The following MSI2 variants were observed in gnomAD, a reference collection of about 807,000 sequenced individuals.
The protein encoded by MSI2 is musashi RNA binding protein 2, also known as RNA-binding protein Musashi homolog 2.
Under a neutral mutation model 45.6 loss-of-function variants are expected in MSI2, and 17 were observed. The observed-to-expected ratio is 0.37, with a 90% CI of 0.26 to 0.56. The LOEUF (loss-of-function observed/expected upper bound fraction) is 0.56, where lower values mean the gene tolerates loss of function less well. Among genes scored for constraint, MSI2 ranks in the 20% least tolerant of loss-of-function variants. MSI2 has a pLI of 0.77. For synonymous variants in MSI2, 156 were observed against 158.2 expected (o/e 0.99, Z 0.11); for missense variants, 293 against 444.2 (o/e 0.66, Z 3.06).
intron 6 of MSI2, among the ~76,000 whole-genome samples, chr17:57,473,313 T>C (rs2586231): frequency 0.78 from 118,295 of 152,172 alleles, 46,417 homozygotes; most frequent in East Asian, 0.91. Flanking sequence ...TATATATGCG[T>C]GTGTGAGTAT....
At chr17:57,313,857 A>G (rs1912619679) in intron 5 of MSI2, among the ~76,000 whole-genome samples, 1 of 152,218 alleles carries the variant, frequency 6.6e-6, no homozygotes, top group South Asian at 2.1e-4. Context: ...GGATGACCAA[A>G]GAGGCGGGCC....
chr17:57,463,184 G>C (rs2085264359), intron 6 of MSI2, among the ~76,000 whole-genome samples: 1 of 152,188 alleles, frequency 6.6e-6, no homozygotes, highest in Non-Finnish European at 1.5e-5. Context: ...GCCAAGGGTG[G>C]CTTGTTTTCC....
At chr17:57,287,118 G>T (rs932360908) in intron 5 of MSI2, among the ~76,000 whole-genome samples, 4 of 143,096 alleles carry the variant, frequency 2.8e-5, no homozygotes, top group Admixed American at 1.6e-4. Flanking sequence ...CAAATAAGTG[G>T]TCTCAAAAAG....
At chr17:57,528,417 G>T (rs2144053980) in intron 6 of MSI2, among the ~76,000 whole-genome samples, 1 of 152,254 alleles carries the variant, frequency 6.6e-6, no homozygotes, top group Middle Eastern at 3.4e-3. Context: ...CAGGATGCGT[G>T]GGAGGGGTCT....
At chr17:57,309,850 G>A (rs944359367) in intron 5 of MSI2, among the ~76,000 whole-genome samples, 3 of 152,150 alleles carry the variant, frequency 2.0e-5, no homozygotes, top group African/African-American at 7.2e-5. Flanking sequence ...CTCGAGGCCC[G>A]AGTGGAGTGC....
the MSI2 span, among the ~76,000 whole-genome samples, chr17:57,700,798 A>G: frequency 2.6e-5 from 4 of 152,112 alleles, no homozygotes; most frequent in South Asian, 8.3e-4. Flanking sequence ...GCTACTCAGG[A>G]GGCTGAGGCA....
intron 6 of MSI2, chr17:57,440,766 G>C (rs914714537): frequency 6.6e-6 from 1 of 152,286 alleles, no homozygotes; most frequent in Non-Finnish European, 1.5e-5. Context: ...TGGGGAAGCA[G>C]GTTTTGCCCT....
chr17:57,355,527 G>A (rs533317929), intron 5 of MSI2, among the ~76,000 whole-genome samples: 5 of 152,276 alleles, frequency 3.3e-5, no homozygotes, highest in African/African-American at 4.8e-5. Context: ...TTCTGTTAGG[G>A]ATGCGTGCCA....
chr17:57,587,966 T>C (rs1904465009), intron 7 of MSI2, among the ~76,000 whole-genome samples: 1 of 152,160 alleles, frequency 6.6e-6, no homozygotes, highest in African/African-American at 2.4e-5. Context: ...GCTGCCAAAC[T>C]ACTGGTGTAA....
rs57142800 is a variant in MSI2, at chr17:57,502,602, G to GATATATATATATAT, written c.406-27052_406-27039dup. On this transcript the variant is annotated intron_variant, in intron 6 of 13. Coordinates refer to ENST00000284073, the MANE Select transcript of MSI2 (RefSeq NM_138962.4). Reference sequence around the variant, plus strand: ...CAGGGAATGGAGAAGATGACTCTGAGATATATATATATATATATATATATA... The same window carrying GATATATATATATAT: ...CAGGGAATGGAGAAGATGACTCTGAGATATATATATATATATATATATATATATATATATATATA... Among the ~76,000 whole-genome samples, 322 of 54,350 alleles carry GATATATATATATAT rather than the reference G, an allele frequency of 5.9e-3. 9 individuals carry two copies. Among genetic ancestry groups the GATATATATATATAT allele is most frequent in the Middle Eastern group, 0.017 (1 of 60 alleles). 35.7% of individuals were successfully genotyped at this position (54,350 alleles called of 152,430 possible).
At chr17:57,698,617 C>T in the MSI2 span, among the ~76,000 whole-genome samples, 1 of 152,152 alleles carries the variant, frequency 6.6e-6, no homozygotes, top group Admixed American at 6.5e-5. Flanking sequence ...GCTGGGCCTT[C>T]CGCTGTCTTG....
intron 5 of MSI2, among the ~76,000 whole-genome samples, chr17:57,373,673 A>C (rs1415160846): frequency 6.6e-6 from 1 of 152,084 alleles, no homozygotes; most frequent in African/African-American, 2.4e-5. Context: ...GTCCCCACCA[A>C]ATTGGGAAGA....
the MSI2 span, among the ~76,000 whole-genome samples, chr17:57,699,984 G>A: frequency 6.6e-6 from 1 of 152,280 alleles, no homozygotes; most frequent in Non-Finnish European, 1.5e-5. Flanking sequence ...ACAAAGCAAT[G>A]AAGATGAAAT....
chr17:57,666,482 C>T (rs1164923200), intron 11 of MSI2, among the ~76,000 whole-genome samples: 1 of 152,226 alleles, frequency 6.6e-6, no homozygotes, highest in Non-Finnish European at 1.5e-5. Flanking sequence ...GTGCTTCTTG[C>T]CTCATTGGTT....
At chr17:57,413,487 T>C (rs1475927710) in intron 6 of MSI2, among the ~76,000 whole-genome samples, 1 of 151,962 alleles carries the variant, frequency 6.6e-6, no homozygotes, top group Non-Finnish European at 1.5e-5. Flanking sequence ...GAACACTCTT[T>C]ACATTTCTTT....
intron 6 of MSI2, among the ~76,000 whole-genome samples, chr17:57,484,191 G>A (rs571553755): frequency 2.0e-5 from 3 of 152,124 alleles, no homozygotes; most frequent in African/African-American, 2.4e-5. Context: ...CTTGGCCTCC[G>A]TTAGCAGTCG....
chr17:57,557,862 G>A (rs2087474861), intron 7 of MSI2, among the ~76,000 whole-genome samples: 2 of 152,238 alleles, frequency 1.3e-5, no homozygotes, highest in Admixed American at 6.5e-5. Context: ...TCTTCTAGAT[G>A]TTCAGGTCCA....
intron 5 of MSI2, among the ~76,000 whole-genome samples, chr17:57,376,005 C>T (rs961631640): frequency 1.2e-4 from 19 of 152,116 alleles, no homozygotes; most frequent in African/African-American, 4.1e-4. Flanking sequence ...ATGTGGGTTC[C>T]CTTATCTTCC....
chr17:57,294,089 G>A (rs1292257138), intron 5 of MSI2, among the ~76,000 whole-genome samples: 1 of 152,124 alleles, frequency 6.6e-6, no homozygotes, highest in Non-Finnish European at 1.5e-5. Context: ...AGGGGCTGGA[G>A]GGGACCCTGC....
Sources: gnomAD v4.1 joint callset for allele counts (sites outside exome capture counted in the v4.1 genomes callset) on GRCh38, gnomAD v4.1.1 for gene constraint, MANE v1.5 for transcripts, NCBI Gene and HGNC (gene_info 2026-07-23, HGNC 2026-07-21) for gene names.